CDH13: variants seen among roughly 807,000 people sequenced by gnomAD.
CDH13 encodes cadherin 13.
Under a neutral mutation model 63.8 loss-of-function variants are expected in CDH13, and 24 were observed. That is an observed-to-expected ratio of 0.38 (90% CI 0.27 to 0.53). CDH13 has a LOEUF of 0.53. Among genes scored for constraint, CDH13 ranks in the 20% least tolerant of loss-of-function variants. The pLI, the probability that CDH13 is intolerant of heterozygous loss-of-function variation, is 0.85. For missense variants in CDH13, 1,049 were observed against 903.1 expected (o/e 1.16, Z -2.07); for synonymous variants, 503 against 355.3 (o/e 1.42, Z -4.67).
chr16:83,741,962 C>G (rs778302013), intron 10 of CDH13, among the ~76,000 whole-genome samples: 5 of 152,214 alleles, frequency 3.3e-5, no homozygotes, highest in Non-Finnish European at 7.3e-5. Context: ...AGCCATCCCC[C>G]ACCTGTTCAT....
chr16:83,331,509 C>G (rs964152), intron 5 of CDH13, among the ~76,000 whole-genome samples: 151,118 of 152,308 alleles, frequency 0.99, 74,978 homozygotes, highest in Middle Eastern at 1. Flanking sequence ...GTAATAAACT[C>G]TAGTCAGTGT....
chr16:82,691,428 A>G (rs1300420353), intron 1 of CDH13, among the ~76,000 whole-genome samples: 1 of 152,140 alleles, frequency 6.6e-6, no homozygotes, highest in Non-Finnish European at 1.5e-5. Flanking sequence ...AAAGTTGGTG[A>G]ATGGGTGTCC....
intron 6 of CDH13, among the ~76,000 whole-genome samples, chr16:83,367,473 G>A (rs1313580515): frequency 6.6e-6 from 1 of 152,130 alleles, no homozygotes; most frequent in Non-Finnish European, 1.5e-5. Flanking sequence ...TAAGTTTCCT[G>A]TGGATATATG....
intron 1 of CDH13, among the ~76,000 whole-genome samples, chr16:82,739,351 T>G (rs2151050501): frequency 6.6e-6 from 1 of 152,304 alleles, no homozygotes; most frequent in East Asian, 1.9e-4. Context: ...AAGAGAAGTT[T>G]CCTACCAAGA....
intron 11 of CDH13, among the ~76,000 whole-genome samples, chr16:83,769,347 G>T (rs1914609786): frequency 6.6e-6 from 1 of 152,190 alleles, no homozygotes; most frequent in South Asian, 2.1e-4. Flanking sequence ...CGGTGGGGAA[G>T]CAAATGTCAG....
intron 1 of CDH13, among the ~76,000 whole-genome samples, chr16:82,771,579 G>A (rs962063827): frequency 6.6e-6 from 1 of 152,184 alleles, no homozygotes; most frequent in East Asian, 1.9e-4. Flanking sequence ...ACGGAGGCTC[G>A]GAGAGTTTCA....
chr16:83,267,630 G>A lies in CDH13; in HGVS notation c.636+50133G>A, dbSNP rs567391957. Among the ~76,000 whole-genome samples the A allele has an allele frequency of 3.1e-4, 47 of 152,248 alleles. No individual in the cohort carries two copies. In the South Asian group the frequency reaches 9.3e-3, roughly 30 times the overall value. ...CGCGGGAGTGGGCTCCCGGTAAAAG[G>A]ATGAGTTCGGCCCCCTTCCCCTTGC... On this transcript the variant is annotated intron_variant, in intron 5 of 13. Transcript: ENST00000567109.
rs933532566 is a variant in CDH13, at chr16:82,851,958, A to C, written c.46-6404A>C. On this transcript the variant is annotated intron_variant, in intron 1 of 13. Coordinates refer to ENST00000567109, the MANE Select transcript of CDH13 (RefSeq NM_001257.5). The stretch of plus-strand genomic sequence containing the variant: ...CCAGAGATGTTTTATGGCAGGGATA[A>C]AGTAACTATCAACCAACACTAATGA... Among the ~76,000 whole-genome samples, 11 of 152,188 alleles carry C rather than the reference A, an allele frequency of 7.2e-5. No individual in the cohort carries two copies. The East Asian group carries it at 9.6e-4, about 13-fold the overall frequency.
intron 4 of CDH13, among the ~76,000 whole-genome samples, chr16:83,194,384 C>A (rs1262005617): frequency 1.3e-5 from 2 of 152,220 alleles, no homozygotes; most frequent in Non-Finnish European, 2.9e-5. Flanking sequence ...GAAAGAAAAA[C>A]CACATTGTTT....
intron 6 of CDH13, among the ~76,000 whole-genome samples, chr16:83,425,421 G>A (rs952450005): frequency 3.3e-5 from 5 of 152,226 alleles, no homozygotes; most frequent in Admixed American, 6.5e-5. Context: ...TACCTGCTGC[G>A]TTCCCACTCT....
intron 1 of CDH13, among the ~76,000 whole-genome samples, chr16:82,809,051 T>C (rs2037305471): frequency 6.6e-6 from 1 of 152,126 alleles, no homozygotes; most frequent in Non-Finnish European, 1.5e-5. Context: ...TACATATGTA[T>C]GAATACATAT....
intron 2 of CDH13, among the ~76,000 whole-genome samples, chr16:82,957,473 A>G (rs1016411823): frequency 3.9e-5 from 6 of 152,232 alleles, no homozygotes; most frequent in African/African-American, 1.4e-4. Flanking sequence ...AAAGGCCACT[A>G]GTATGTTGGC....
At chr16:83,593,639 A>C (rs1344198578) in intron 7 of CDH13, among the ~76,000 whole-genome samples, 1 of 151,948 alleles carries the variant, frequency 6.6e-6, no homozygotes, top group African/African-American at 2.4e-5. Flanking sequence ...GTCCTGTAAT[A>C]ATTGTAATCA....
At chr16:83,620,389 CAAAAAAAA>C (rs60446363) in intron 8 of CDH13, among the ~76,000 whole-genome samples, 1 of 97,364 alleles carries the variant, frequency 1.0e-5, no homozygotes, top group African/African-American at 4.1e-5. Flanking sequence ...GACTCCGTCT[CAAAAAAAA>C]AAAAAAAAAA....
At chr16:83,643,772 AG>A (rs756052303) in intron 8 of CDH13, among the ~76,000 whole-genome samples, 1 of 152,216 alleles carries the variant, frequency 6.6e-6, no homozygotes, top group Non-Finnish European at 1.5e-5. Flanking sequence ...TGAGACAGGT[AG>A]TACTGCAAAT....
rs1598009507 is a variant in CDH13 at position 83,433,516 on chromosome 16, A to G, written c.782-52961A>G. ...TCATTGTTTCCTTGGTGCACCTACT[A>G]ATTTTACCAAAGGCAGCTGGCCTCA... On this transcript the variant is annotated intron_variant, in intron 6 of 13. Coordinates refer to ENST00000567109, the MANE Select transcript of CDH13 (RefSeq NM_001257.5). Among the ~76,000 whole-genome samples the G allele has an allele frequency of 5.9e-5, 9 of 152,274 alleles. No homozygotes were observed. The South Asian group carries it at 1.9e-3, about 32-fold the overall frequency.
At chr16:83,761,226 G>T (rs1395931742) in intron 11 of CDH13, among the ~76,000 whole-genome samples, 1 of 152,160 alleles carries the variant, frequency 6.6e-6, no homozygotes, top group Non-Finnish European at 1.5e-5. Flanking sequence ...TATTTGCTTG[G>T]GGCCCCAGAG....
intron 6 of CDH13, among the ~76,000 whole-genome samples, chr16:83,406,455 C>G (rs2081260): frequency 6.7e-6 from 1 of 149,334 alleles, no homozygotes; most frequent in African/African-American, 2.5e-5. Flanking sequence ...TCCCCTTTCT[C>G]TTTTTCTCTC....
chr16:83,098,810 A>C (rs1031180186), intron 3 of CDH13, among the ~76,000 whole-genome samples: 8 of 152,128 alleles, frequency 5.3e-5, no homozygotes, highest in Non-Finnish European at 1.0e-4. Flanking sequence ...GTTTTGAGCA[A>C]TTTGATTATG....
Sources: allele counts gnomAD v4.1 joint callset (sites outside exome capture counted in the v4.1 genomes callset), GRCh38; gene constraint gnomAD v4.1.1; transcripts MANE v1.5; gene names NCBI Gene and HGNC (gene_info 2026-07-23, HGNC 2026-07-21).